AGTPBP1: variants seen among roughly 807,000 people sequenced by gnomAD.
The protein encoded by AGTPBP1 is cytosolic carboxypeptidase 1.
In AGTPBP1, 70 loss-of-function variants were observed where a neutral mutation model predicts 143.9. The ratio of observed to expected loss-of-function variants is 0.49; its 90% CI spans 0.40 to 0.59. The LOEUF is 0.59. AGTPBP1 is among the 20% of genes least tolerant of loss of function. The pLI, the probability that AGTPBP1 is intolerant of heterozygous loss-of-function variation, is 0.00. For synonymous variants in AGTPBP1, 463 were observed against 500.2 expected (o/e 0.93, Z 0.99); for missense variants, 1,229 against 1,464.5 (o/e 0.84, Z 2.62).
chr9:85,786,513 T>G, the AGTPBP1 span: 4 of 1,613,654 alleles, frequency 2.5e-6, no homozygotes, highest in Non-Finnish European at 3.4e-6. Context: ...AGTCTTGGAG[T>G]TGGCATTGGA....
the AGTPBP1 span, among the ~76,000 whole-genome samples, chr9:85,766,788 G>A: frequency 6.6e-6 from 1 of 152,186 alleles, no homozygotes; most frequent in Admixed American, 6.5e-5. Flanking sequence ...GCAGATGATC[G>A]AGAACATGAG....
At chr9:85,772,333 G>T in the AGTPBP1 span, among the ~76,000 whole-genome samples, 4 of 152,094 alleles carry the variant, frequency 2.6e-5, no homozygotes, top group Non-Finnish European at 4.4e-5. Flanking sequence ...CTGATCCTGG[G>T]AACCCTTGTA....
the AGTPBP1 span, among the ~76,000 whole-genome samples, chr9:85,760,470 C>A: frequency 6.6e-6 from 1 of 152,142 alleles, no homozygotes; most frequent in Non-Finnish European, 1.5e-5. Flanking sequence ...TCAACATACG[C>A]AAATCAATAA....
intron 3 of AGTPBP1, among the ~76,000 whole-genome samples, chr9:85,686,570 T>C (rs1330404201): frequency 6.6e-6 from 1 of 152,176 alleles, no homozygotes; most frequent in African/African-American, 2.4e-5. Context: ...TGGCTCTTAA[T>C]CCTGCTCTTC....
chr9:85,621,900 A>G (rs1389901682), intron 14 of AGTPBP1, among the ~76,000 whole-genome samples: 1 of 152,162 alleles, frequency 6.6e-6, no homozygotes, highest in African/African-American at 2.4e-5. Context: ...AAATTCCTCC[A>G]ATCCCTACCA....
At chr9:85,788,785 G>GAT in the AGTPBP1 span, among the ~76,000 whole-genome samples, 58 of 149,828 alleles carry the variant, frequency 3.9e-4, no homozygotes, top group African/African-American at 1.3e-3. Context: ...TGTATATATA[G>GAT]ATACACTTGT....
chr9:85,749,501 G>C, the AGTPBP1 span, among the ~76,000 whole-genome samples: 2 of 152,152 alleles, frequency 1.3e-5, no homozygotes, highest in South Asian at 4.1e-4. Context: ...TGAGACTCCT[G>C]TCTGTCTCTT....
At chr9:85,759,108 C>G in the AGTPBP1 span, among the ~76,000 whole-genome samples, 1,316 of 152,212 alleles carry the variant, frequency 8.6e-3, 23 homozygotes, top group African/African-American at 0.029. Context: ...CAGGGGCACT[C>G]AGATTCATAA....
chr9:85,726,242 A>C (rs1355441526), intron 1 of AGTPBP1, among the ~76,000 whole-genome samples: 2 of 150,238 alleles, frequency 1.3e-5, no homozygotes, highest in African/African-American at 4.9e-5. Flanking sequence ...AAAAAAAAAA[A>C]CAAAAAACAA....
intron 25 of AGTPBP1, among the ~76,000 whole-genome samples, chr9:85,572,861 T>G (rs947177270): frequency 1.3e-5 from 2 of 152,194 alleles, no homozygotes; most frequent in Non-Finnish European, 2.9e-5. Context: ...TTATGAGGAA[T>G]GGAGTTCCAA....
the AGTPBP1 span, among the ~76,000 whole-genome samples, chr9:85,758,304 G>T: frequency 9.2e-5 from 14 of 152,206 alleles, no homozygotes; most frequent in East Asian, 2.1e-3. Context: ...TATCTATAAA[G>T]AACTACAAGT....
At chr9:85,769,298 G>C in the AGTPBP1 span, among the ~76,000 whole-genome samples, 1 of 151,944 alleles carries the variant, frequency 6.6e-6, no homozygotes, top group Non-Finnish European at 1.5e-5. Flanking sequence ...GATAGGTATG[G>C]GTATACGGAA....
intron 4 of AGTPBP1, among the ~76,000 whole-genome samples, chr9:85,679,958 G>A (rs945147455): frequency 4.6e-5 from 7 of 151,962 alleles, no homozygotes; most frequent in Non-Finnish European, 1.0e-4. Context: ...TGCTTCATAT[G>A]GAATTTATTT....
chr9:85,693,936 C>T (rs1374535556), intron 2 of AGTPBP1, among the ~76,000 whole-genome samples: 2 of 151,928 alleles, frequency 1.3e-5, no homozygotes, highest in Non-Finnish European at 2.9e-5. Context: ...TCCAGAAAAA[C>T]GGAGGCACAA....
chr9:85,744,722 G>A (rs1824561970), upstream of AGTPBP1, among the ~76,000 whole-genome samples: 4 of 152,286 alleles, frequency 2.6e-5, no homozygotes, highest in South Asian at 8.3e-4. Flanking sequence ...GTGCACGCGG[G>A]CCCTTAGTCC....
At chr9:85,793,402 G>T in the AGTPBP1 span, 13 of 152,106 alleles carry the variant, frequency 8.5e-5, no homozygotes, top group African/African-American at 3.1e-4. Flanking sequence ...TACAACAAGT[G>T]TATTAAATTT....
the AGTPBP1 span, among the ~76,000 whole-genome samples, chr9:85,768,512 A>G: frequency 6.6e-6 from 1 of 152,206 alleles, no homozygotes; most frequent in African/African-American, 2.4e-5. Context: ...TTAAAGTCAC[A>G]GTTTCCAAGA....
At chr9:85,746,050 G>A (rs1341486118), upstream of AGTPBP1, among the ~76,000 whole-genome samples, 1 of 152,054 alleles carries the variant, frequency 6.6e-6, no homozygotes, top group East Asian at 1.9e-4. Context: ...AGACAACATG[G>A]TGCAGATCAA....
the AGTPBP1 span, among the ~76,000 whole-genome samples, chr9:85,762,011 CA>C: frequency 6.6e-6 from 1 of 152,170 alleles, no homozygotes; most frequent in Non-Finnish European, 1.5e-5. Flanking sequence ...CCAACAGACA[CA>C]TGAAAAAATG....
Sources: allele counts gnomAD v4.1 joint callset (sites outside exome capture counted in the v4.1 genomes callset), GRCh38; gene constraint gnomAD v4.1.1; transcripts MANE v1.5; gene names NCBI Gene and HGNC (gene_info 2026-07-23, HGNC 2026-07-21).